Variants in KCNN2 observed in about 807,000 individuals in gnomAD.
KCNN2 encodes the protein small conductance calcium-activated potassium channel protein 2.
Under a neutral mutation model 55.5 loss-of-function variants are expected in KCNN2, and 24 were observed. The observed-to-expected ratio is 0.43, with a 90% CI of 0.31 to 0.61. KCNN2 has a LOEUF of 0.61. Ranked by LOEUF, KCNN2 falls within the 20% of genes least tolerant of loss-of-function variation. The probability of loss-of-function intolerance (pLI) is 0.08; values close to 1 mark genes in which losing one functional copy is unlikely to be tolerated. For missense variants in KCNN2, 754 were observed against 853.6 expected, an observed-to-expected ratio of 0.88 and a Z score of 1.45; for synonymous variants, 431 against 336.1, an observed-to-expected ratio of 1.28 and a Z score of -3.09.
chr5:114,479,738 A>G (rs899998002), intron 5 of KCNN2, among the ~76,000 whole-genome samples: 3 of 152,112 alleles, frequency 2.0e-5, no homozygotes, highest in Non-Finnish European at 4.4e-5. Flanking sequence ...TCAAAACCAC[A>G]CCACAACTAC....
intron 1 of KCNN2, among the ~76,000 whole-genome samples, chr5:114,209,793 G>C (rs1017327476): frequency 6.6e-6 from 1 of 152,134 alleles, no homozygotes; most frequent in Non-Finnish European, 1.5e-5. Context: ...GATGCGTATT[G>C]CTGAAATATG....
chr5:114,300,925 CA>C lies in KCNN2; in HGVS notation c.-184-60018del, dbSNP rs574654455. 2.6e-3 allele frequency among the ~76,000 whole-genome samples: 398 copies of C among 152,206 alleles called. 4 individuals carry two copies. Among genetic ancestry groups the C allele is most frequent in the African/African-American group, 9.2e-3 (384 of 41,540 alleles). ...CAGTGCCTCTCAAAATGGGGGATCACAAGAGTTTTATTTAATTTTCCTTTAG... is the reference window on the plus strand; with the variant it reads ...CAGTGCCTCTCAAAATGGGGGATCACAGAGTTTTATTTAATTTTCCTTTAG... On this transcript the variant is annotated intron_variant, in intron 2 of 10. Coordinates refer to the KCNN2 transcript ENST00000512097.
intron 2 of KCNN2, among the ~76,000 whole-genome samples, chr5:114,292,535 T>C (rs1755916543): frequency 6.6e-6 from 1 of 152,216 alleles, no homozygotes; most frequent in African/African-American, 2.4e-5. Context: ...GGCTCTGTTC[T>C]GTTCCATTGG....
intron 2 of KCNN2, among the ~76,000 whole-genome samples, chr5:114,247,202 CAAAAAAAAAAA>C (rs370172975): frequency 4.4e-5 from 3 of 68,096 alleles, no homozygotes; most frequent in African/African-American, 1.2e-4. Context: ...CATATGTCTC[CAAAAAAAAAAA>C]AAAAAAAAAA....
intron 2 of KCNN2, among the ~76,000 whole-genome samples, chr5:114,240,028 GA>G (rs1374388639): frequency 6.6e-6 from 1 of 152,028 alleles, no homozygotes; most frequent in Admixed American, 6.5e-5. Context: ...TTCATTTTAA[GA>G]AACCGCCATA....
chr5:114,414,816 C>T (rs2150076905), intron 3 of KCNN2, among the ~76,000 whole-genome samples: 1 of 152,200 alleles, frequency 6.6e-6, no homozygotes, highest in Non-Finnish European at 1.5e-5. Flanking sequence ...TTTTTTAAAA[C>T]AACTTTATTG....
chr5:114,444,404 A>G (rs1169423034), intron 3 of KCNN2, among the ~76,000 whole-genome samples: 1 of 151,984 alleles, frequency 6.6e-6, no homozygotes, highest in Non-Finnish European at 1.5e-5. Context: ...AAGAAAAAAA[A>G]GACAGCATAT....
At chr5:114,289,461 C>T (rs1561556916) in intron 2 of KCNN2, among the ~76,000 whole-genome samples, 1 of 151,316 alleles carries the variant, frequency 6.6e-6, no homozygotes, top group Non-Finnish European at 1.5e-5. Flanking sequence ...ACTGTTACCT[C>T]CACCTCGCAG....
At chr5:114,107,487 T>G (rs890301083) in intron 1 of KCNN2, among the ~76,000 whole-genome samples, 1 of 152,068 alleles carries the variant, frequency 6.6e-6, no homozygotes, top group African/African-American at 2.4e-5. Flanking sequence ...TAGGCTCAAG[T>G]GATCCTTCTA....
chr5:114,416,040 CTT>C (rs1272900836), intron 3 of KCNN2, among the ~76,000 whole-genome samples: 2 of 152,116 alleles, frequency 1.3e-5, no homozygotes, highest in East Asian at 3.9e-4. Flanking sequence ...ACCCTGAAGT[CTT>C]TCTTTTCTAG....
At chr5:114,241,676 A>G (rs1471448895) in intron 2 of KCNN2, among the ~76,000 whole-genome samples, 1 of 147,020 alleles carries the variant, frequency 6.8e-6, no homozygotes, top group Admixed American at 6.9e-5. Flanking sequence ...TAAAAATGTT[A>G]GAATAAAATT....
intron 3 of KCNN2, among the ~76,000 whole-genome samples, chr5:114,453,883 G>C (rs1760801957): frequency 6.6e-6 from 1 of 151,754 alleles, no homozygotes; most frequent in Non-Finnish European, 1.5e-5. Flanking sequence ...ATATACATGT[G>C]TCATGGTGGT....
chr5:114,300,076 A>G (rs547207360), intron 2 of KCNN2, among the ~76,000 whole-genome samples: 9 of 151,990 alleles, frequency 5.9e-5, no homozygotes, highest in African/African-American at 1.7e-4. Context: ...TACCCTCTTC[A>G]TAGTCAGACG....
chr5:114,326,182 G>A (rs1412309051), intron 2 of KCNN2, among the ~76,000 whole-genome samples: 1 of 152,148 alleles, frequency 6.6e-6, no homozygotes, highest in Non-Finnish European at 1.5e-5. Flanking sequence ...TACAGACTGA[G>A]GAAGAGGGTG....
intron 1 of KCNN2, among the ~76,000 whole-genome samples, chr5:114,174,532 G>A (rs1423236758): frequency 1.3e-5 from 2 of 152,072 alleles, no homozygotes; most frequent in Admixed American, 6.6e-5. Context: ...TGCCTGAAAT[G>A]GAAGATCCTC....
At chr5:114,355,555 C>A (rs1197031386) in intron 2 of KCNN2, among the ~76,000 whole-genome samples, 1 of 152,164 alleles carries the variant, frequency 6.6e-6, no homozygotes, top group Non-Finnish European at 1.5e-5. Context: ...GTGGGACACA[C>A]TGGTTTTTCT....
chr5:114,117,665 C>T lies in KCNN2; in HGVS notation c.-271+61165C>T, dbSNP rs190882790. 1.8e-3 allele frequency among the ~76,000 whole-genome samples: 270 copies of T among 152,240 alleles called. 1 individual carries two copies. The highest frequency in any genetic ancestry group is 6.1e-3 in the African/African-American group (253 of 41,546). On this transcript the variant is annotated intron_variant, in intron 1 of 10. Transcript: ENST00000512097. ...TGACCTATTTAGAAAGGAGTAGAAG[C>T]ATTGAGAGGGAGGTCTTTGAGGAGA...
chr5:114,333,511 G>A (rs1400169961), intron 2 of KCNN2, among the ~76,000 whole-genome samples: 1 of 151,984 alleles, frequency 6.6e-6, no homozygotes, highest in Non-Finnish European at 1.5e-5. Context: ...CATAGGGACT[G>A]GCTTCCAATA....
At chr5:114,222,191 G>A (rs543370214) in intron 2 of KCNN2, among the ~76,000 whole-genome samples, 1 of 152,204 alleles carries the variant, frequency 6.6e-6, no homozygotes, top group South Asian at 2.1e-4. Flanking sequence ...AAAAAATTAA[G>A]CAAGGAATAA....
Sources: allele counts gnomAD v4.1 joint callset (sites outside exome capture counted in the v4.1 genomes callset), GRCh38; gene constraint gnomAD v4.1.1; transcripts MANE v1.5; gene names NCBI Gene and HGNC (gene_info 2026-07-23, HGNC 2026-07-21).